LHFPL6: variants seen among roughly 807,000 people sequenced by gnomAD.
The protein encoded by LHFPL6 is LHFPL tetraspan subfamily member 6 protein.
LHFPL6 carries 9 observed loss-of-function variants against 20.6 expected under a neutral mutation model. The ratio of observed to expected loss-of-function variants is 0.44; its 90% CI spans 0.26 to 0.76. The LOEUF (loss-of-function observed/expected upper bound fraction) is 0.76, where lower values mean the gene tolerates loss of function less well. Ranked by LOEUF, LHFPL6 falls within the 30% of genes least tolerant of loss-of-function variation. The probability of loss-of-function intolerance (pLI) is 0.20; values close to 1 mark genes in which losing one functional copy is unlikely to be tolerated. For missense variants in LHFPL6, 218 were observed against 253.5 expected (o/e 0.86, Z 0.95); for synonymous variants, 105 against 98.7 (o/e 1.06, Z -0.38).
At chr13:39,569,136 T>TGGAC (rs1871822750) in intron 2 of LHFPL6, among the ~76,000 whole-genome samples, 1 of 42,756 alleles carries the variant, frequency 2.3e-5, no homozygotes. Flanking sequence ...CACGGATGGA[T>TGGAC]GGATGGATGG....
chr13:39,530,358 G>A (rs1272561695), intron 2 of LHFPL6, among the ~76,000 whole-genome samples: 1 of 152,066 alleles, frequency 6.6e-6, no homozygotes, highest in Non-Finnish European at 1.5e-5. Context: ...GAGTGCGGAG[G>A]GGAGTAGGAA....
At chr13:39,557,776 A>C (rs1033216509) in intron 2 of LHFPL6, among the ~76,000 whole-genome samples, 1 of 152,198 alleles carries the variant, frequency 6.6e-6, no homozygotes, top group African/African-American at 2.4e-5. Context: ...AGTCATAGTA[A>C]TCTCTCTGAC....
At chr13:39,428,925 C>T (rs73458876) in intron 2 of LHFPL6, among the ~76,000 whole-genome samples, 3,958 of 152,144 alleles carry the variant, frequency 0.026, 154 homozygotes, top group African/African-American at 0.087. Flanking sequence ...CTTTGACTTA[C>T]GGGCTATTTA....
intron 2 of LHFPL6, among the ~76,000 whole-genome samples, chr13:39,463,417 GA>G (rs56689779): frequency 0.16 from 23,873 of 152,076 alleles, 3,482 homozygotes; most frequent in East Asian, 0.52. Context: ...ATTAAAAACT[GA>G]TCAGTGGTAG....
intron 2 of LHFPL6, among the ~76,000 whole-genome samples, chr13:39,588,596 A>G (rs769514495): frequency 6.6e-6 from 1 of 152,224 alleles, no homozygotes; most frequent in Non-Finnish European, 1.5e-5. Flanking sequence ...AACATGCATG[A>G]CGACTAAATA....
chr13:39,365,687 A>C (rs568004494), intron 3 of LHFPL6, among the ~76,000 whole-genome samples: 1 of 152,342 alleles, frequency 6.6e-6, no homozygotes, highest in Non-Finnish European at 1.5e-5. Context: ...CATCAAACTG[A>C]CCTGGGAGCT....
At chr13:39,423,959 A>G (rs11616809) in intron 2 of LHFPL6, among the ~76,000 whole-genome samples, 140,184 of 152,186 alleles carry the variant, frequency 0.92, 65,704 homozygotes, top group East Asian at 1. Context: ...AAACTGCAAC[A>G]GTACAGCAGG....
intron 2 of LHFPL6, among the ~76,000 whole-genome samples, chr13:39,465,319 T>G (rs998051962): frequency 5.3e-5 from 8 of 152,156 alleles, no homozygotes; most frequent in Non-Finnish European, 1.2e-4. Context: ...CAACCTATCA[T>G]TAACAAGACA....
At chr13:39,436,925 T>C (rs1265539409) in intron 2 of LHFPL6, among the ~76,000 whole-genome samples, 1 of 152,190 alleles carries the variant, frequency 6.6e-6, no homozygotes, top group Non-Finnish European at 1.5e-5. Flanking sequence ...GCACAGTAGT[T>C]AAGCCACTGG....
intron 2 of LHFPL6, among the ~76,000 whole-genome samples, chr13:39,393,385 G>T (rs1343693953): frequency 6.6e-6 from 1 of 152,186 alleles, no homozygotes; most frequent in Non-Finnish European, 1.5e-5. Flanking sequence ...GGCTATATTT[G>T]TGTCATGTTA....
chr13:39,600,672 T>C (rs1318422496), intron 2 of LHFPL6, among the ~76,000 whole-genome samples, 160 bp downstream of exon 2: 2 of 152,332 alleles, frequency 1.3e-5, no homozygotes, highest in African/African-American at 2.4e-5. Flanking sequence ...ATTCTGACAA[T>C]AATCTTGACT....
At chr13:39,376,415 C>T (rs1349941733) in intron 3 of LHFPL6, among the ~76,000 whole-genome samples, 1 of 152,134 alleles carries the variant, frequency 6.6e-6, no homozygotes, top group Non-Finnish European at 1.5e-5. Context: ...AAAGCCTTGT[C>T]ATCAAAGAGG....
intron 2 of LHFPL6, among the ~76,000 whole-genome samples, chr13:39,443,133 A>C (rs548466785): frequency 2.7e-4 from 41 of 152,340 alleles, no homozygotes; most frequent in Middle Eastern, 3.4e-3. Flanking sequence ...TAACAATGTT[A>C]CTATGGGAGT....
At position 39,372,224 on chromosome 13, in the gene LHFPL6, T is replaced by A. The variant is rs144035801; in HGVS notation, c.484+6204A>T. 3.4e-3 allele frequency among the ~76,000 whole-genome samples: 520 copies of A among 152,334 alleles called. 1 individual carries two copies. The highest frequency in any genetic ancestry group is 5.8e-3 in the Non-Finnish European group (393 of 68,038). ...GCTGACCTTAGCTCCTGCCTTGCTATAATAAGAGATCTCACACGTCTTCTT... is the reference window on the plus strand; with the variant it reads ...GCTGACCTTAGCTCCTGCCTTGCTAAAATAAGAGATCTCACACGTCTTCTT... On this transcript the variant is annotated intron_variant, in intron 3 of 3. Coordinates refer to ENST00000379589, the MANE Select transcript of LHFPL6 (RefSeq NM_005780.3).
At position 39,473,493 on chromosome 13, in the gene LHFPL6, T is replaced by G. The variant is rs553597623; in HGVS notation, c.386-94967A>C. Among the ~76,000 whole-genome samples the G allele has an allele frequency of 6.5e-5, 9 of 138,874 alleles. No homozygotes were observed. The East Asian group carries it at 2.6e-3, about 40-fold the overall frequency. 91.1% of individuals were successfully genotyped at this position (138,874 alleles called of 152,430 possible). On this transcript the variant is annotated intron_variant, in intron 2 of 3. Transcript: ENST00000379589. ...AGCCAACGGTAGTTCAGGTGAAGGA[T>G]GTGGCATTTTTTTTTTCCTCCACAG...
chr13:39,511,890 C>T (rs1322981577), intron 2 of LHFPL6, among the ~76,000 whole-genome samples: 2 of 152,154 alleles, frequency 1.3e-5, no homozygotes, highest in Non-Finnish European at 2.9e-5. Context: ...AGGCACCCTC[C>T]ATTGTAGCTT....
At chr13:39,573,485 A>T (rs1271276064) in intron 2 of LHFPL6, among the ~76,000 whole-genome samples, 1 of 152,218 alleles carries the variant, frequency 6.6e-6, no homozygotes, top group East Asian at 1.9e-4. Context: ...ATCAAAATAG[A>T]TTAAAATTTA....
At chr13:39,434,685 CT>C (rs1342341354) in intron 2 of LHFPL6, among the ~76,000 whole-genome samples, 1 of 152,172 alleles carries the variant, frequency 6.6e-6, no homozygotes, top group Admixed American at 6.5e-5. Context: ...CCAAACTGTA[CT>C]ACTCCTGGCC....
At chr13:39,428,664 CA>C (rs778959091) in intron 2 of LHFPL6, among the ~76,000 whole-genome samples, 34 of 151,978 alleles carry the variant, frequency 2.2e-4, no homozygotes, top group Non-Finnish European at 3.8e-4. Context: ...TTGGTTTCAT[CA>C]ATTTTCTCTA....
Sources: gnomAD v4.1 joint callset for allele counts (sites outside exome capture counted in the v4.1 genomes callset) on GRCh38, gnomAD v4.1.1 for gene constraint, MANE v1.5 for transcripts, NCBI Gene and HGNC (gene_info 2026-07-23, HGNC 2026-07-21) for gene names.